The following STARD13 variants were observed in gnomAD, a reference collection of about 807,000 sequenced individuals.
STARD13 encodes the protein StAR related lipid transfer domain containing 13, also known as stAR-related lipid transfer protein 13.
STARD13 carries 62 observed loss-of-function variants against 106.4 expected under a neutral mutation model. The observed-to-expected ratio is 0.58, with a 90% CI of 0.48 to 0.72. STARD13 has a LOEUF of 0.72. Ranked by LOEUF, STARD13 falls within the 30% of genes least tolerant of loss-of-function variation. STARD13 has a pLI of 0.00. For missense variants in STARD13, 1,387 were observed against 1,424.0 expected (o/e 0.97, Z 0.42); for synonymous variants, 565 against 553.0 (o/e 1.02, Z -0.31).
intron 1 of STARD13, among the ~76,000 whole-genome samples, chr13:33,240,960 T>C (rs188893272): frequency 3.0e-3 from 444 of 150,072 alleles, no homozygotes; most frequent in Middle Eastern, 0.01. Context: ...TCTAACCATT[T>C]TTTGGTGGAG....
At chr13:33,356,986 G>A in the STARD13 span, among the ~76,000 whole-genome samples, 1 of 152,178 alleles carries the variant, frequency 6.6e-6, no homozygotes, top group African/African-American at 2.4e-5. Flanking sequence ...TACCTACCCT[G>A]CTCATACTTA....
intron 12 of STARD13, among the ~76,000 whole-genome samples, chr13:33,108,686 C>T (rs982908810): frequency 1.3e-5 from 2 of 152,056 alleles, no homozygotes; most frequent in African/African-American, 4.8e-5. Flanking sequence ...GGTGGGGTTG[C>T]CGGATGGATG....
rs577772737 is a variant in STARD13 at position 33,163,589 on chromosome 13, C to CA, written c.323+1747dup. 3.7e-3 allele frequency among the ~76,000 whole-genome samples: 199 copies of CA among 53,636 alleles called. 1 individual carries two copies. Among genetic ancestry groups the CA allele is most frequent in the South Asian group, 0.011 (12 of 1,128 alleles). 35.2% of individuals were successfully genotyped at this position (53,636 alleles called of 152,430 possible). ...TGGGCGACAGAGCAAGACTCTGTCT[C>CA]AAAAAAAAAAAAAAAAATATATATA... On this transcript the variant is annotated intron_variant, in intron 3 of 13. Coordinates refer to ENST00000336934, the MANE Select transcript of STARD13 (RefSeq NM_178006.4).
chr13:33,482,519 CTT>C, the STARD13 span, among the ~76,000 whole-genome samples: 1 of 152,156 alleles, frequency 6.6e-6, no homozygotes, highest in Admixed American at 6.5e-5. Context: ...GATTTTTAAT[CTT>C]TAAAATTTTC....
the STARD13 span, among the ~76,000 whole-genome samples, chr13:33,560,531 A>ATG: frequency 6.6e-6 from 1 of 151,364 alleles, no homozygotes; most frequent in Non-Finnish European, 1.5e-5. Flanking sequence ...AATCAGTCTT[A>ATG]CATCCCGTGG....
intron 3 of STARD13, among the ~76,000 whole-genome samples, chr13:33,145,965 G>A (rs1034122746): frequency 4.0e-5 from 6 of 151,878 alleles, no homozygotes; most frequent in Admixed American, 1.3e-4. Context: ...TGGGCAGATC[G>A]CTTGAGCCCA....
At chr13:33,322,613 A>G (rs1893601705) in intron 1 of STARD13, among the ~76,000 whole-genome samples, 1 of 152,260 alleles carries the variant, frequency 6.6e-6, no homozygotes, top group African/African-American at 2.4e-5. Context: ...CAGCTGTTGC[A>G]CGCGCAGTGA....
chr13:33,236,411 C>T (rs1000663894), intron 1 of STARD13, among the ~76,000 whole-genome samples: 53 of 152,240 alleles, frequency 3.5e-4, no homozygotes, highest in African/African-American at 1.2e-3. Context: ...CGCATGGCTG[C>T]GTGAGTGTTA....
chr13:33,221,554 T>A (rs1341463070), intron 1 of STARD13, among the ~76,000 whole-genome samples: 2 of 152,160 alleles, frequency 1.3e-5, no homozygotes, highest in African/African-American at 4.8e-5. Context: ...TCTGAGTGGA[T>A]CCCTCCTCCT....
the STARD13 span, among the ~76,000 whole-genome samples, chr13:33,564,790 G>A: frequency 1.4e-5 from 2 of 146,196 alleles, no homozygotes. Flanking sequence ...TCAGGAGATC[G>A]AGACCATCCT....
At chr13:33,507,136 C>T in the STARD13 span, among the ~76,000 whole-genome samples, 1 of 152,116 alleles carries the variant, frequency 6.6e-6, no homozygotes, top group Non-Finnish European at 1.5e-5. Context: ...TTTCCAACTA[C>T]ATAACTATAA....
At chr13:33,245,071 A>G (rs575820962) in intron 1 of STARD13, among the ~76,000 whole-genome samples, 1 of 152,308 alleles carries the variant, frequency 6.6e-6, no homozygotes, top group Admixed American at 6.5e-5. Context: ...ATTATTAGAA[A>G]CATAGGCTCC....
the STARD13 span, among the ~76,000 whole-genome samples, chr13:33,641,844 G>A: frequency 2.6e-5 from 4 of 152,224 alleles, no homozygotes; most frequent in South Asian, 6.2e-4. Context: ...TGTCTACTCT[G>A]TCCCATACAA....
At chr13:33,341,192 T>A (rs1436631378) in intron 1 of STARD13, among the ~76,000 whole-genome samples, 2 of 152,216 alleles carry the variant, frequency 1.3e-5, no homozygotes, top group Non-Finnish European at 2.9e-5. Context: ...TCACAAAGTC[T>A]TAAAGCAAAA....
the STARD13 span, among the ~76,000 whole-genome samples, chr13:33,478,146 T>C: frequency 6.6e-6 from 1 of 152,196 alleles, no homozygotes; most frequent in Non-Finnish European, 1.5e-5. Context: ...CAATTTTAGT[T>C]GGCTGGGGAG....
At chr13:33,643,422 G>T in the STARD13 span, among the ~76,000 whole-genome samples, 2 of 152,234 alleles carry the variant, frequency 1.3e-5, no homozygotes, top group Admixed American at 6.5e-5. Flanking sequence ...TGGACTAGGG[G>T]TGGGCACTCA....
chr13:33,249,365 C>T (rs1022827547), intron 1 of STARD13, among the ~76,000 whole-genome samples: 4 of 152,170 alleles, frequency 2.6e-5, no homozygotes, highest in Admixed American at 6.5e-5. Context: ...CTGTTTCTTC[C>T]GTCTGTAATG....
the STARD13 span, among the ~76,000 whole-genome samples, chr13:33,489,688 G>A: frequency 8.5e-5 from 13 of 152,160 alleles, no homozygotes; most frequent in African/African-American, 2.9e-4. Context: ...CGGCCAAAAT[G>A]GAATGTGCTA....
the STARD13 span, among the ~76,000 whole-genome samples, chr13:33,627,393 C>G: frequency 6.6e-6 from 1 of 152,082 alleles, no homozygotes; most frequent in Admixed American, 6.5e-5. Context: ...AATCCCAGCA[C>G]TTCGGGAGGC....
Sources: gnomAD v4.1 joint callset for allele counts (sites outside exome capture counted in the v4.1 genomes callset) on GRCh38, gnomAD v4.1.1 for gene constraint, MANE v1.5 for transcripts, NCBI Gene and HGNC (gene_info 2026-07-23, HGNC 2026-07-21) for gene names.